SCHIP1: variants seen among roughly 807,000 people sequenced by gnomAD.
The protein encoded by SCHIP1 is schwannomin-interacting protein 1.
A neutral mutation model predicts 29.7 loss-of-function variants in SCHIP1; 8 were observed. That is an observed-to-expected ratio of 0.27 (90% CI 0.16 to 0.49). SCHIP1 has a LOEUF of 0.49. Among genes scored for constraint, SCHIP1 ranks in the 20% least tolerant of loss-of-function variants. The pLI, the probability that SCHIP1 is intolerant of heterozygous loss-of-function variation, is 0.99. For synonymous variants in SCHIP1, 76 were observed against 94.9 expected, an observed-to-expected ratio of 0.80 and a Z score of 1.16; for missense variants, 193 against 294.6, an observed-to-expected ratio of 0.66 and a Z score of 2.52.
intron 2 of SCHIP1, among the ~76,000 whole-genome samples, chr3:159,881,322 A>T (rs1716415943): frequency 6.6e-6 from 1 of 152,250 alleles, no homozygotes; most frequent in Admixed American, 6.5e-5. Context: ...AAATCTTTGA[A>T]TCATGCATCA....
At chr3:159,717,334 G>C in the SCHIP1 span, among the ~76,000 whole-genome samples, 1 of 152,094 alleles carries the variant, frequency 6.6e-6, no homozygotes, top group Non-Finnish European at 1.5e-5. Context: ...GGAGAAGCAA[G>C]AGCAAACACA....
chr3:159,512,172 G>A, the SCHIP1 span, among the ~76,000 whole-genome samples: 2 of 152,102 alleles, frequency 1.3e-5, no homozygotes, highest in African/African-American at 2.4e-5. Flanking sequence ...AGGAAAGTGA[G>A]AGGGAGAACT....
the SCHIP1 span, among the ~76,000 whole-genome samples, chr3:159,828,753 T>C: frequency 2.0e-5 from 3 of 152,114 alleles, no homozygotes; most frequent in African/African-American, 7.2e-5. Flanking sequence ...AGAGATTCCA[T>C]GTACTGCTTT....
the SCHIP1 span, among the ~76,000 whole-genome samples, chr3:159,646,952 G>A: frequency 6.6e-6 from 1 of 152,102 alleles, no homozygotes; most frequent in Non-Finnish European, 1.5e-5. Flanking sequence ...ATCTAGTAAG[G>A]GAGCTGGATA....
chr3:159,709,699 T>G, the SCHIP1 span, among the ~76,000 whole-genome samples: 1 of 152,136 alleles, frequency 6.6e-6, no homozygotes, highest in Non-Finnish European at 1.5e-5. Flanking sequence ...CACCCATGAA[T>G]AGCCTTGGTC....
At chr3:159,825,660 T>C in the SCHIP1 span, among the ~76,000 whole-genome samples, 2 of 152,212 alleles carry the variant, frequency 1.3e-5, no homozygotes. Flanking sequence ...TGCCTGGCAC[T>C]GTGCCAGATG....
chr3:159,511,850 A>G, the SCHIP1 span, among the ~76,000 whole-genome samples: 1 of 152,250 alleles, frequency 6.6e-6, no homozygotes, highest in Admixed American at 6.5e-5. Context: ...TCAATTATAC[A>G]TGAATTAAAA....
chr3:159,756,520 A>AG, the SCHIP1 span, among the ~76,000 whole-genome samples: 1 of 152,162 alleles, frequency 6.6e-6, no homozygotes, highest in Non-Finnish European at 1.5e-5. Flanking sequence ...CTATGACGGG[A>AG]GGGGCTGCTA....
At chr3:159,396,358 T>C in the SCHIP1 span, among the ~76,000 whole-genome samples, 8 of 148,968 alleles carry the variant, frequency 5.4e-5, no homozygotes, top group Middle Eastern at 3.5e-3. Flanking sequence ...TTTGATCCTG[T>C]CATTATGATG....
chr3:159,626,106 A>C, the SCHIP1 span, among the ~76,000 whole-genome samples: 90 of 109,920 alleles, frequency 8.2e-4, 4 homozygotes, highest in East Asian at 0.015. Flanking sequence ...AGATAGATAG[A>C]TAGATAGATA....
chr3:159,485,682 C>T, the SCHIP1 span, among the ~76,000 whole-genome samples: 1 of 152,082 alleles, frequency 6.6e-6, no homozygotes, highest in African/African-American at 2.4e-5. Context: ...TAATCTTGAG[C>T]AAGTTGTCCG....
At chr3:159,396,034 T>C in the SCHIP1 span, among the ~76,000 whole-genome samples, 1 of 151,312 alleles carries the variant, frequency 6.6e-6, no homozygotes, top group East Asian at 2.0e-4. Flanking sequence ...TTTAGGATAG[T>C]TAGCTCTTCT....
At chr3:159,277,181 C>A in the SCHIP1 span, among the ~76,000 whole-genome samples, 1 of 152,156 alleles carries the variant, frequency 6.6e-6, no homozygotes, top group Admixed American at 6.5e-5. Context: ...CCACCGGTTT[C>A]ATTTTGTGTG....
At chr3:159,552,377 T>C in the SCHIP1 span, among the ~76,000 whole-genome samples, 1 of 152,104 alleles carries the variant, frequency 6.6e-6, no homozygotes, top group African/African-American at 2.4e-5. Flanking sequence ...TCCTTTATTT[T>C]TGGACAATGA....
the SCHIP1 span, among the ~76,000 whole-genome samples, chr3:159,770,406 G>A: frequency 9.9e-5 from 15 of 152,144 alleles, no homozygotes; most frequent in East Asian, 2.5e-3. Context: ...ATTACAGGCA[G>A]CCACCATCAT....
chr3:159,436,942 C>T, the SCHIP1 span, among the ~76,000 whole-genome samples: 2 of 152,030 alleles, frequency 1.3e-5, no homozygotes, highest in Non-Finnish European at 2.9e-5. Flanking sequence ...GAAAGTGAAT[C>T]ATGGTGAGGG....
intron 6 of SCHIP1, chr3:159,893,465 A>G (rs993682287): frequency 6.6e-6 from 1 of 152,226 alleles, no homozygotes; most frequent in Non-Finnish European, 1.5e-5. Context: ...GCAGGTGTTA[A>G]GATTATGGGA....
intron 4 of SCHIP1, 57 bp from the exon 6 acceptor site, chr3:159,888,763 G>T (rs954800954): frequency 4.4e-6 from 7 of 1,593,494 alleles, no homozygotes; most frequent in African/African-American, 1.3e-5. Flanking sequence ...GGGTCTTAAC[G>T]TTCAGTGTGT....
chr3:159,529,276 G>A, the SCHIP1 span, among the ~76,000 whole-genome samples: 210 of 152,110 alleles, frequency 1.4e-3, 2 homozygotes, highest in Admixed American at 2.9e-3. Flanking sequence ...TAACTTCTTC[G>A]CCTAGTTAAC....
Sources: gnomAD v4.1 joint callset for allele counts (sites outside exome capture counted in the v4.1 genomes callset) on GRCh38, gnomAD v4.1.1 for gene constraint, MANE v1.5 for transcripts, NCBI Gene and HGNC (gene_info 2026-07-23, HGNC 2026-07-21) for gene names.